Variants in SATB2 observed in about 807,000 individuals in gnomAD.
The protein encoded by SATB2 is SATB homeobox 2.
In SATB2, 1 loss-of-function variant was observed where a neutral mutation model predicts 73.4. The observed-to-expected ratio is 0.01, with a 90% CI of 0.00 to 0.06. The LOEUF is 0.06. Ranked by LOEUF, SATB2 falls within the 10% of genes least tolerant of loss-of-function variation. SATB2 has a pLI of 1.00. For missense variants in SATB2, 459 were observed against 945.8 expected (o/e 0.49, Z 6.75); for synonymous variants, 397 against 367.0 (o/e 1.08, Z -0.93).
At chr2:199,448,892 G>A (rs1337546993) in intron 2 of SATB2, among the ~76,000 whole-genome samples, 1 of 152,076 alleles carries the variant, frequency 6.6e-6, no homozygotes, top group Non-Finnish European at 1.5e-5. Context: ...GAGCAGAACT[G>A]AATCTGCCCA....
rs574351887 is a variant in SATB2, at chr2:199,350,991, C to G, written c.701-1818G>C. Among the ~76,000 whole-genome samples the G allele has an allele frequency of 4.8e-5, 7 of 146,148 alleles. No individual in the cohort carries two copies. The East Asian group carries it at 1.1e-3, about 22-fold the overall frequency. ...GTTGCAGTGAGTAGAAATCACACCA[C>G]TGCACTCCAGCCTGAGTGACGAGCG... On this transcript the variant is annotated intron_variant, in intron 6 of 10. Transcript: ENST00000417098.
intron 3 of SATB2, among the ~76,000 whole-genome samples, chr2:199,393,427 C>G (rs1005223543): frequency 3.9e-5 from 6 of 152,044 alleles, no homozygotes; most frequent in Non-Finnish European, 8.8e-5. Flanking sequence ...CTCTTGGTAC[C>G]CTGGATATCC....
At chr2:199,285,941 A>G (rs1356162166) in intron 10 of SATB2, among the ~76,000 whole-genome samples, 1 of 145,960 alleles carries the variant, frequency 6.9e-6, no homozygotes, top group Non-Finnish European at 1.5e-5. Flanking sequence ...TATGTTTTTA[A>G]TGCAGTTTAA....
intron 9 of SATB2, among the ~76,000 whole-genome samples, chr2:199,315,740 C>T (rs1356276749): frequency 6.6e-6 from 1 of 152,074 alleles, no homozygotes; most frequent in Non-Finnish European, 1.5e-5. Context: ...CTGCTCTGAT[C>T]TCCCACAAGA....
At chr2:199,415,721 C>T (rs1690958793) in intron 3 of SATB2, among the ~76,000 whole-genome samples, 1 of 152,190 alleles carries the variant, frequency 6.6e-6, no homozygotes, top group African/African-American at 2.4e-5. Flanking sequence ...CTCTCTAATG[C>T]CTTCCCACAA....
chr2:199,375,644 C>T (rs1161780362), intron 5 of SATB2, among the ~76,000 whole-genome samples: 1 of 152,144 alleles, frequency 6.6e-6, no homozygotes, highest in East Asian at 1.9e-4. Context: ...GAAGAATCAC[C>T]TAAAATGGTT....
intron 10 of SATB2, among the ~76,000 whole-genome samples, chr2:199,285,039 G>C (rs998322776): frequency 6.6e-6 from 1 of 152,090 alleles, no homozygotes; most frequent in East Asian, 1.9e-4. Flanking sequence ...TCAATCCCCC[G>C]TGGATACAAG....
At chr2:199,369,039 T>C (rs1689367934) in intron 5 of SATB2, 1 of 240,506 alleles carries the variant, frequency 4.2e-6, no homozygotes, top group Admixed American at 5.2e-5. Context: ...GCATCCGTAA[T>C]CCAAATAATG....
chr2:199,444,617 A>G (rs966351466), intron 2 of SATB2, among the ~76,000 whole-genome samples: 3 of 152,208 alleles, frequency 2.0e-5, no homozygotes, highest in Non-Finnish European at 4.4e-5. Context: ...GACAAGCCCA[A>G]TACAAAATAA....
Position 199,270,887 on chromosome 2 carries a change from A to T in SATB2, c.*1324T>A, listed in dbSNP as rs1229861394. 4 of 152,352 alleles carry T rather than the reference A, an allele frequency of 2.6e-5. No individual in the cohort carries two copies. The highest frequency in any genetic ancestry group is 9.6e-5 in the African/African-American group (4 of 41,458). 9.4% of individuals were successfully genotyped at this position (152,352 alleles called of 1,614,324 possible). On this transcript the variant is annotated 3_prime_UTR_variant, in exon 11 of 11. Coordinates refer to ENST00000417098, the MANE Select transcript of SATB2 (RefSeq NM_001172509.2). ...AAAAACAGTTCTTGTTAGGGCTGTC[A>T]TCCCAGGAAAAGGGACAGGAGAGAT... is the stretch of plus-strand genomic sequence containing the variant.
intron 7 of SATB2, among the ~76,000 whole-genome samples, chr2:199,333,484 T>C (rs1033702782): frequency 6.6e-6 from 1 of 152,070 alleles, no homozygotes; most frequent in Non-Finnish European, 1.5e-5. Flanking sequence ...ACGATGAATA[T>C]TGGGCAGCGT....
At chr2:199,303,661 G>T (rs1350548851) in intron 10 of SATB2, among the ~76,000 whole-genome samples, 2 of 152,066 alleles carry the variant, frequency 1.3e-5, no homozygotes, top group East Asian at 1.9e-4. Context: ...AACCAAAAAT[G>T]ACTCCAGATA....
intron 6 of SATB2, among the ~76,000 whole-genome samples, chr2:199,361,234 T>C (rs1473004081): frequency 6.6e-6 from 1 of 152,126 alleles, no homozygotes; most frequent in African/African-American, 2.4e-5. Flanking sequence ...TCGTCTCCAT[T>C]GGTATTGTCT....
intron 9 of SATB2, among the ~76,000 whole-genome samples, chr2:199,318,450 G>T (rs1040057070): frequency 4.6e-5 from 7 of 151,998 alleles, no homozygotes; most frequent in African/African-American, 1.5e-4. Flanking sequence ...ACATAAAAAA[G>T]TTGTCCTAAA....
intron 8 of SATB2, among the ~76,000 whole-genome samples, chr2:199,327,866 G>A (rs568931491): frequency 1.4e-4 from 22 of 152,060 alleles, no homozygotes; most frequent in Non-Finnish European, 2.6e-4. Flanking sequence ...ATTCTGATCT[G>A]GACACTGCAT....
intron 2 of SATB2, among the ~76,000 whole-genome samples, chr2:199,453,533 A>C (rs1692189543): frequency 6.6e-6 from 1 of 152,090 alleles, no homozygotes; most frequent in East Asian, 1.9e-4. Flanking sequence ...GTTCAAAAAA[A>C]TCCTTTAATT....
chr2:199,396,588 G>A (rs1160640217), intron 3 of SATB2: 1 of 152,224 alleles, frequency 6.6e-6, no homozygotes, highest in Non-Finnish European at 1.5e-5. Flanking sequence ...GATGTCCTCA[G>A]AGAGGAGCCA....
intron 2 of SATB2, among the ~76,000 whole-genome samples, chr2:199,445,535 G>A (rs1167674570): frequency 2.6e-5 from 4 of 152,160 alleles, no homozygotes; most frequent in African/African-American, 7.2e-5. Flanking sequence ...CAGTTTTGGG[G>A]GAGTTTATAA....
intron 9 of SATB2, among the ~76,000 whole-genome samples, chr2:199,318,977 G>A (rs1687810111): frequency 6.6e-6 from 1 of 150,386 alleles, no homozygotes; most frequent in South Asian, 2.1e-4. Context: ...AATACAATTT[G>A]TTAAGTAGTT....
Sources: gnomAD v4.1 joint callset for allele counts (sites outside exome capture counted in the v4.1 genomes callset) on GRCh38, gnomAD v4.1.1 for gene constraint, MANE v1.5 for transcripts, NCBI Gene and HGNC (gene_info 2026-07-23, HGNC 2026-07-21) for gene names.